NCOA6: variants seen among roughly 807,000 people sequenced by gnomAD.
NCOA6 encodes nuclear receptor coactivator 6, also known as NRC RAP250.
NCOA6 carries 49 observed loss-of-function variants against 171.4 expected under a neutral mutation model. The ratio of observed to expected loss-of-function variants is 0.29; its 90% CI spans 0.23 to 0.36. The LOEUF (loss-of-function observed/expected upper bound fraction) is 0.36. Among genes scored for constraint, NCOA6 ranks in the 10% least tolerant of loss-of-function variants. The pLI, the probability that NCOA6 is intolerant of heterozygous loss-of-function variation, is 1.00. For missense variants in NCOA6, 2,248 were observed against 2,554.5 expected (o/e 0.88, Z 2.59); for synonymous variants, 910 against 927.5 (o/e 0.98, Z 0.34).
At chr20:34,806,542 T>C (rs1266952484) in intron 1 of NCOA6, among the ~76,000 whole-genome samples, 2 of 152,254 alleles carry the variant, frequency 1.3e-5, no homozygotes, top group African/African-American at 2.4e-5. Context: ...TTTCAGGTCT[T>C]ACATTTAAGT....
Position 34,742,063 on chromosome 20 carries a change from G to C in NCOA6, c.4193C>G (p.Pro1398Arg). Reference sequence around the variant, plus strand: ...AGCCACAGACACAGTAGAATTCTGAGGATTCAGCCCACTGTTGTTAGGAAA... The same window carrying C: ...AGCCACAGACACAGTAGAATTCTGACGATTCAGCCCACTGTTGTTAGGAAA... ...GSFPNNSGLN[P>R]QNSTVSVAAV... The change falls in exon 11 of 15, where the codon CCT becomes CGT. Residue 1398 changes from proline to arginine, a missense_variant. By Grantham distance (103) the Pro-to-Arg change is moderately radical. This residue lies in a region of NCOA6 where 884 missense variants were observed against 941.9 expected (regional missense o/e 0.94). Coordinates refer to ENST00000359003, the MANE Select transcript of NCOA6 (RefSeq NM_014071.5). 6.2e-7 allele frequency: 1 copy of C among 1,614,196 alleles called. No homozygotes were observed. Among genetic ancestry groups the C allele is most frequent in the Non-Finnish European group, 8.5e-7 (1 of 1,180,026 alleles).
chr20:34,801,674 A>T (rs1237129437), intron 1 of NCOA6, among the ~76,000 whole-genome samples: 1 of 152,072 alleles, frequency 6.6e-6, no homozygotes, highest in Non-Finnish European at 1.5e-5. Context: ...GTAACAAGTA[A>T]CAAGATCAGG....
chr20:34,749,565 T>C lies in NCOA6; in HGVS notation c.2630A>G (p.Asn877Ser), dbSNP rs1426670772. 6.2e-6 allele frequency: 10 copies of C among 1,614,108 alleles called. No homozygotes were observed. Among genetic ancestry groups the C allele is most frequent in the East Asian group, 2.2e-5 (1 of 44,900 alleles). The change falls in exon 9 of 15, where the codon AAT becomes AGT. Residue 877 changes from asparagine (N) to serine (S), a missense_variant. By Grantham distance (46) the Asn-to-Ser change is conservative (BLOSUM62 1). Coordinates refer to ENST00000359003, the MANE Select transcript of NCOA6 (RefSeq NM_014071.5). ...TGGGCTCGTTAGCGTGACATCCTTA[T>C]TGACTGGGAAGCCTGGATTTTGACC... Reference protein sequence around the residue: ...SCGQNPGFPVNKDVTLTSPLL... With the variant: ...SCGQNPGFPVSKDVTLTSPLL...
At chr20:34,760,490 C>T (rs918661945) in intron 5 of NCOA6, among the ~76,000 whole-genome samples, 3 of 152,126 alleles carry the variant, frequency 2.0e-5, no homozygotes, top group African/African-American at 4.8e-5. Context: ...TTTTTGGCAT[C>T]GAGGTGAAAA....
chr20:34,796,306 G>A (rs1568867195), intron 1 of NCOA6, among the ~76,000 whole-genome samples: 1 of 151,580 alleles, frequency 6.6e-6, no homozygotes, highest in African/African-American at 2.4e-5. Flanking sequence ...CACCGCACCC[G>A]ACCTGAAATA....
chr20:34,723,840 C>T (rs1451134869), intron 14 of NCOA6, among the ~76,000 whole-genome samples: 3 of 152,144 alleles, frequency 2.0e-5, no homozygotes, highest in South Asian at 4.1e-4. Context: ...CTGTAAATAA[C>T]CCTTTAGTAC....
At position 34,768,602 on chromosome 20, in the gene NCOA6, G is replaced by A. The variant is rs777064141; in HGVS notation, c.392-16C>T. 32 of 1,611,598 alleles carry A rather than the reference G, an allele frequency of 2.0e-5. No individual in the cohort carries two copies. The highest frequency in any genetic ancestry group is 2.7e-5 in the Non-Finnish European group (32 of 1,179,342). On this transcript the variant is annotated splice_polypyrimidine_tract_variant and intron_variant, in intron 4 of 14. Transcript: ENST00000359003. ...GCACCTTCCCCTGAAAATGAGTCAA[G>A]TGATAAAAAGGAAATCATTAGAATA...
In NCOA6 at chr20:34,797,960, G is replaced by A. The variant is rs535450448; in HGVS notation, c.-163-5397C>T. Among the ~76,000 whole-genome samples the A allele has an allele frequency of 7.2e-5, 11 of 152,258 alleles. No individual in the cohort carries two copies. In the East Asian group the frequency reaches 2.1e-3, roughly 29 times the overall value. On this transcript the variant is annotated intron_variant, in intron 1 of 14. Transcript: ENST00000359003. ...TTGGGCTATGTAGAGCACTAAGCAGGCTCTCGGGGTCCCCAATTCCAGGCC... is the reference window on the plus strand; with the variant it reads ...TTGGGCTATGTAGAGCACTAAGCAGACTCTCGGGGTCCCCAATTCCAGGCC...
At chr20:34,768,622 A>C (rs763209019) in intron 4 of NCOA6, 36 bp from the exon 5 acceptor site, 7 of 1,608,704 alleles carry the variant, frequency 4.4e-6, no homozygotes, top group Non-Finnish European at 5.9e-6. Context: ...GGAAATCATT[A>C]GAATAAAATG....
chr20:34,808,079 G>C (rs2078522170), intron 1 of NCOA6, among the ~76,000 whole-genome samples: 1 of 151,778 alleles, frequency 6.6e-6, no homozygotes, highest in Non-Finnish European at 1.5e-5. Flanking sequence ...GAACCCAGGA[G>C]GCGGAGGTTG....
At chr20:34,825,074 T>C (rs964597499) in intron 1 of NCOA6, among the ~76,000 whole-genome samples, 7 of 152,004 alleles carry the variant, frequency 4.6e-5, no homozygotes, top group Admixed American at 2.0e-4. Context: ...TCGGACCCAG[T>C]GTTCCTTCTC....
At chr20:34,746,965 A>G in intron 9 of NCOA6, 37 bp from the exon 10 acceptor site, 1 of 1,465,120 alleles carries the variant, frequency 6.8e-7, no homozygotes, top group Non-Finnish European at 9.1e-7. Flanking sequence ...GACATATTTT[A>G]GAATAAGTTG....
At chr20:34,815,203 T>C (rs2078794239) in intron 1 of NCOA6, among the ~76,000 whole-genome samples, 2 of 147,950 alleles carry the variant, frequency 1.4e-5, no homozygotes, top group Non-Finnish European at 3.0e-5. Context: ...GGAAGACCCA[T>C]TCTCTACCCC....
In NCOA6 at chr20:34,776,665, C is replaced by A. The variant is rs1297890016; in HGVS notation, c.236-217G>T. The A allele has an allele frequency of 6.0e-6, 4 of 665,758 alleles. No homozygotes were observed. The African/African-American group carries it at 7.2e-5, about 12-fold the overall frequency. The allele number at this position is 665,758 out of a possible 1,614,324, so 41.2% of individuals were successfully genotyped here. On this transcript the variant is annotated intron_variant, in intron 3 of 14. Coordinates refer to ENST00000359003, the MANE Select transcript of NCOA6 (RefSeq NM_014071.5). ...AACGAGCTATTTAACCTTTCTGAAA[C>A]TTATCTTTTTCTTTTCTAAAACTAT... is the stretch of plus-strand genomic sequence containing the variant.
chr20:34,777,530 G>A (rs1024341909), intron 3 of NCOA6, among the ~76,000 whole-genome samples: 1 of 151,852 alleles, frequency 6.6e-6, no homozygotes, highest in South Asian at 2.1e-4. Flanking sequence ...CCAGAGAATC[G>A]CTTGAACCCA....
At chr20:34,814,334 A>G (rs1367781240) in intron 1 of NCOA6, among the ~76,000 whole-genome samples, 1 of 151,962 alleles carries the variant, frequency 6.6e-6, no homozygotes, top group East Asian at 1.9e-4. Flanking sequence ...GTAAGACTCC[A>G]TCTTGGGGAA....
chr20:34,818,688 A>G (rs1184869577), intron 1 of NCOA6, among the ~76,000 whole-genome samples: 1 of 152,212 alleles, frequency 6.6e-6, no homozygotes, highest in African/African-American at 2.4e-5. Flanking sequence ...CACCTCTTTC[A>G]GGTACCATTC....
chr20:34,813,934 T>C (rs2078751257), intron 1 of NCOA6, among the ~76,000 whole-genome samples: 1 of 152,088 alleles, frequency 6.6e-6, no homozygotes. Flanking sequence ...GGCTAAAAAG[T>C]GATAGCCTCA....
intron 1 of NCOA6, among the ~76,000 whole-genome samples, chr20:34,813,764 T>C (rs2078747353): frequency 1.3e-5 from 2 of 152,088 alleles, no homozygotes; most frequent in South Asian, 2.1e-4. Context: ...GCTTTTTCTA[T>C]GTTTTAAAGT....
Sources: gnomAD v4.1 joint callset for allele counts (sites outside exome capture counted in the v4.1 genomes callset) on GRCh38, gnomAD v4.1.1 for gene constraint, gnomAD v4.1.1 regional missense constraint, MANE v1.5 for transcripts, NCBI Gene and HGNC (gene_info 2026-07-23, HGNC 2026-07-21) for gene names.